Variants in CHD8 observed in about 807,000 individuals in gnomAD.
CHD8 encodes the protein chromodomain helicase DNA binding protein 8.
CHD8 carries 31 observed loss-of-function variants against 279.2 expected under a neutral mutation model. That is an observed-to-expected ratio of 0.11 (90% CI 0.08 to 0.15). The LOEUF (loss-of-function observed/expected upper bound fraction) is 0.15, where lower values mean the gene tolerates loss of function less well. Among genes scored for constraint, CHD8 ranks in the 10% least tolerant of loss-of-function variants. The pLI is 1.00. For synonymous variants in CHD8, 1,081 were observed against 1,139.6 expected (o/e 0.95, Z 1.04); for missense variants, 2,146 against 3,230.5 (o/e 0.66, Z 8.14).
chr14:21,400,174 C>G lies in CHD8; in HGVS notation c.4704G>C (p.Lys1568Asn). ...DTLFQDESYKKHLKHQCNKVL... is the reference protein window; with the variant it reads ...DTLFQDESYKNHLKHQCNKVL... ...ACTTGTTACACTGATGTTTCAAGTG[C>G]TTCTTATAACTTTCATCTTGGAACA... The change falls in exon 24 of 38, where the codon AAG (lysine) becomes AAC (asparagine). Residue 1568 changes from lysine (K) to asparagine (N), a missense_variant. Lys to Asn is a moderately conservative substitution (Grantham distance 94). This residue lies in a region of CHD8 where 73 missense variants were observed against 153.2 expected (regional missense o/e 0.48). Coordinates refer to ENST00000646647, the MANE Select transcript of CHD8 (RefSeq NM_001170629.2). This position sits in a 1 kb window ranked among gnomAD's most constrained non-coding sequence, Gnocchi z 4.2. 4 of 1,613,898 alleles carry G rather than the reference C, an allele frequency of 2.5e-6. No homozygotes were observed. The highest frequency in any genetic ancestry group is 3.4e-6 in the Non-Finnish European group (4 of 1,179,868).
intron 37 of CHD8, among the ~76,000 whole-genome samples, chr14:21,386,549 C>A (rs1007714598): frequency 6.6e-6 from 1 of 152,138 alleles, no homozygotes; most frequent in Non-Finnish European, 1.5e-5. Flanking sequence ...TAAAAAAAAT[C>A]ACTTGTGACC....
chr14:21,417,865 A>AAAAAT (rs1491406256), intron 5 of CHD8, among the ~76,000 whole-genome samples: 6 of 98,372 alleles, frequency 6.1e-5, no homozygotes, highest in Middle Eastern at 5.4e-3. Flanking sequence ...AAAAAAAAAA[A>AAAAAT]ATATATATAT....
chr14:21,407,878 G>C (rs1425594491), intron 13 of CHD8, among the ~76,000 whole-genome samples: 1 of 152,118 alleles, frequency 6.6e-6, no homozygotes, highest in African/African-American at 2.4e-5. Flanking sequence ...CAAAGTGCTA[G>C]GATTACAGGC....
At chr14:21,416,702 T>A (rs1368270454) in intron 5 of CHD8, 1 of 152,212 alleles carries the variant, frequency 6.6e-6, no homozygotes, top group Non-Finnish European at 1.5e-5. Flanking sequence ...ACTAGTAAAC[T>A]TGAATGGTAT....
At chr14:21,436,864 G>C in intron 1 of CHD8, 1 of 944,294 alleles carries the variant, frequency 1.1e-6, no homozygotes, top group African/African-American at 1.8e-5. Flanking sequence ...AGGAAAACGC[G>C]ACTGGGGTGG....
At position 21,447,138 on chromosome 14, in the gene CHD8, C is replaced by CAGA. The variant is rs1008547875; in HGVS notation, c.-216+8891_-216+8893dup. Among the ~76,000 whole-genome samples, 18 of 152,318 alleles carry CAGA rather than the reference C, an allele frequency of 1.2e-4. 1 individual carries two copies. The highest frequency in any genetic ancestry group is 4.3e-4 in the African/African-American group (18 of 41,562). ...AGCACAGTTTCCTACCAGAAACATT[C>CAGA]AGAAGTATCATAAAATCACAAGCAC... On this transcript the variant is annotated intron_variant, in intron 1 of 37. Transcript: ENST00000646647.
chr14:21,401,322 C>T, intron 21 of CHD8, 81 bp downstream of exon 21: 1 of 864,322 alleles, frequency 1.2e-6, no homozygotes, highest in Admixed American at 2.8e-5. Flanking sequence ...CAATTAGCAT[C>T]AAATAATCAG....
At chr14:21,398,844 C>T (rs1448571839) in intron 26 of CHD8, 1 of 236,760 alleles carries the variant, frequency 4.2e-6, no homozygotes, top group Non-Finnish European at 8.6e-6. Context: ...GACTGCTGAA[C>T]ATTTAGACAA....
At position 21,427,549 on chromosome 14, in the gene CHD8, C is replaced by T. The variant is rs909166780; in HGVS notation, c.1601+320G>A. 1.7e-5 allele frequency: 22 copies of T among 1,291,734 alleles called. No individual in the cohort carries two copies. The African/African-American group carries it at 3.3e-4, about 19-fold the overall frequency. The allele number at this position is 1,291,734 out of a possible 1,614,324, so 80.0% of individuals were successfully genotyped here. The stretch of plus-strand genomic sequence containing the variant: ...CGTCCCATCACAATAGCAAGGAGCA[C>T]TCACTTGAGCTTACTCTTGCACGTC... On this transcript the variant is annotated intron_variant, in intron 4 of 37. Coordinates refer to ENST00000646647, the MANE Select transcript of CHD8 (RefSeq NM_001170629.2).
At chr14:21,444,698 C>CT (rs200458429) in intron 1 of CHD8, among the ~76,000 whole-genome samples, 37 of 151,832 alleles carry the variant, frequency 2.4e-4, no homozygotes, top group South Asian at 4.2e-4. Flanking sequence ...TATTTAACCA[C>CT]TTTTTTAAAA....
chr14:21,455,752 C>G (rs1250107966), intron 1 of CHD8, among the ~76,000 whole-genome samples: 1 of 152,098 alleles, frequency 6.6e-6, no homozygotes, highest in Non-Finnish European at 1.5e-5. Context: ...CCCAGTAATG[C>G]AATGACAAGC....
At chr14:21,432,743 C>A (rs1341283268) in intron 1 of CHD8, among the ~76,000 whole-genome samples, 1 of 152,200 alleles carries the variant, frequency 6.6e-6, no homozygotes, top group Non-Finnish European at 1.5e-5. Flanking sequence ...ATTAAGTGAG[C>A]CCTGAACCTC....
At chr14:21,411,086 G>A (rs570890643) in intron 10 of CHD8, among the ~76,000 whole-genome samples, 4 of 152,104 alleles carry the variant, frequency 2.6e-5, no homozygotes, top group Non-Finnish European at 5.9e-5. Flanking sequence ...CATCTGTCAC[G>A]TCATTTGCAA....
intron 1 of CHD8, among the ~76,000 whole-genome samples, chr14:21,439,290 C>T (rs923348837): frequency 2.0e-5 from 3 of 152,172 alleles, no homozygotes; most frequent in African/African-American, 7.2e-5. Context: ...ACCACTGTCG[C>T]TAAAAACACC....
chr14:21,419,229 A>G (rs1307731731), intron 5 of CHD8, among the ~76,000 whole-genome samples: 3 of 152,292 alleles, frequency 2.0e-5, no homozygotes, highest in East Asian at 1.9e-4. Context: ...AAAATTTAGG[A>G]AACACTTTAA....
chr14:21,394,811 C>T, intron 30 of CHD8, 101 bp downstream of exon 30: 1 of 1,256,994 alleles, frequency 8.0e-7, no homozygotes, highest in Non-Finnish European at 1.1e-6. Context: ...AAAGATGGTC[C>T]CTCTGTAGAG....
chr14:21,454,381 G>A (rs1020366630), intron 1 of CHD8, among the ~76,000 whole-genome samples: 6 of 152,094 alleles, frequency 3.9e-5, no homozygotes, highest in African/African-American at 7.2e-5. Flanking sequence ...GCAGGGGCAC[G>A]ATCTTGGCTC....
chr14:21,402,997 A>C lies in CHD8; in HGVS notation c.3714+20T>G, dbSNP rs761882450. 3 of 1,598,024 alleles carry C rather than the reference A, an allele frequency of 1.9e-6. No homozygotes were observed. The East Asian group carries it at 6.7e-5, about 36-fold the overall frequency. On this transcript the variant is annotated intron_variant, in intron 18 of 37. Transcript: ENST00000646647. The surrounding 1 kb of genome is among the most constrained non-coding windows in gnomAD (Gnocchi z 4.5). ...CTCCCAAGTTAGGTAGTTAGTCCCTAAGACAATGAATTCCTTTACCTGCAG... is the reference window on the plus strand; with the variant it reads ...CTCCCAAGTTAGGTAGTTAGTCCCTCAGACAATGAATTCCTTTACCTGCAG...
chr14:21,430,547 C>T (rs193260299), intron 2 of CHD8: 162 of 429,476 alleles, frequency 3.8e-4, no homozygotes, highest in Middle Eastern at 6.3e-4. Flanking sequence ...TCTGTAAGGA[C>T]AGGGACTGTG....
Sources: gnomAD v4.1 joint callset for allele counts (sites outside exome capture counted in the v4.1 genomes callset) on GRCh38, gnomAD v4.1.1 for gene constraint, gnomAD v4.1.1 regional missense constraint, Gnocchi (gnomAD v3.1) non-coding constraint, MANE v1.5 for transcripts, NCBI Gene and HGNC (gene_info 2026-07-23, HGNC 2026-07-21) for gene names.